Variants in TTLL1 observed in about 807,000 individuals in gnomAD.
TTLL1 encodes the protein TTL family tubulin polyglutamylase complex subunit L1, also known as polyglutamylase complex subunit TTLL1.
A neutral mutation model predicts 47.8 loss-of-function variants in TTLL1; 33 were observed. The ratio of observed to expected loss-of-function variants is 0.69; its 90% CI spans 0.52 to 0.92. The LOEUF is 0.92. Among genes scored for constraint, TTLL1 ranks in the 40% least tolerant of loss-of-function variants. The probability of loss-of-function intolerance (pLI) is 0.00; values close to 1 mark genes in which losing one functional copy is unlikely to be tolerated. For synonymous variants in TTLL1, 225 were observed against 214.1 expected (o/e 1.05, Z -0.45); for missense variants, 488 against 547.5 (o/e 0.89, Z 1.08).
chr22:43,046,257 G>A, intron 10 of TTLL1, among the ~76,000 whole-genome samples, 153 bp downstream of exon 10: 1 of 152,012 alleles, frequency 6.6e-6, no homozygotes, highest in Non-Finnish European at 1.5e-5. Context: ...TTGCTTTTCT[G>A]CTACAACAAG....
At chr22:43,063,373 G>C (rs552163301) in intron 7 of TTLL1, among the ~76,000 whole-genome samples, 1 of 152,012 alleles carries the variant, frequency 6.6e-6, no homozygotes, top group Non-Finnish European at 1.5e-5. Context: ...CATCAGTGCC[G>C]GACCTTAGAC....
chr22:43,039,933 G>A, intron 10 of TTLL1, 28 bp from the exon 11 acceptor site: 1 of 1,607,436 alleles, frequency 6.2e-7, no homozygotes, highest in Non-Finnish European at 8.5e-7. Context: ...CAGGATCACG[G>A]CAGGCTCTCT....
At chr22:43,047,098 G>T (rs1290464849) in intron 9 of TTLL1, among the ~76,000 whole-genome samples, 8 of 152,134 alleles carry the variant, frequency 5.3e-5, no homozygotes, top group African/African-American at 1.9e-4. Flanking sequence ...TTAGAATTAG[G>T]ATCTACAAAT....
intron 9 of TTLL1, among the ~76,000 whole-genome samples, chr22:43,047,980 A>G (rs1334077450): frequency 6.6e-6 from 1 of 152,146 alleles, no homozygotes; most frequent in African/African-American, 2.4e-5. Context: ...ACTGTAGTAT[A>G]CCATAATACT....
intron 1 of TTLL1, among the ~76,000 whole-genome samples, chr22:43,083,598 C>T (rs756611479): frequency 2.2e-4 from 34 of 151,524 alleles, no homozygotes; most frequent in Non-Finnish European, 4.6e-4. Context: ...TGTGGTGGCG[C>T]TTGCCTGTAA....
intron 3 of TTLL1, among the ~76,000 whole-genome samples, chr22:43,074,427 C>CAAA (rs61701643): frequency 6.0e-4 from 51 of 85,602 alleles, no homozygotes; most frequent in South Asian, 1.1e-3. Context: ...AATTTCGTCT[C>CAAA]AAAAAAAAAA....
chr22:43,051,864 G>A lies in TTLL1; in HGVS notation c.915C>T (p.His305=), dbSNP rs183632251. 3.3e-5 allele frequency: 53 copies of A among 1,613,998 alleles called. 1 individual carries two copies. In the Middle Eastern group the frequency reaches 8.2e-4, roughly 25 times the overall value. The change falls in exon 9 of 11, where the codon CAC becomes CAT. Residue 305 remains histidine (H), a synonymous_variant. Transcript: ENST00000266254. ...TGTCGTAGCCATAGCATTCAAAGCA[G>A]TGCTTGTCATTGTTCATCACCGGCT... ...AVAPVMNNDK[H]CFECYGYDII...
intron 1 of TTLL1, among the ~76,000 whole-genome samples, 176 bp downstream of exon 1, chr22:43,089,101 G>A (rs1025554323): frequency 1.3e-5 from 2 of 152,208 alleles, no homozygotes; most frequent in African/African-American, 4.8e-5. Flanking sequence ...AGAAAGGCAC[G>A]GTGGTTAGCG....
intron 1 of TTLL1, among the ~76,000 whole-genome samples, chr22:43,084,188 C>G (rs969262255): frequency 2.0e-5 from 3 of 151,968 alleles, no homozygotes; most frequent in Non-Finnish European, 4.4e-5. Flanking sequence ...TCTAGCTCTA[C>G]TGCCCAGGCT....
At chr22:43,073,752 C>T (rs898790609) in intron 3 of TTLL1, among the ~76,000 whole-genome samples, 7 of 151,958 alleles carry the variant, frequency 4.6e-5, no homozygotes, top group African/African-American at 1.5e-4. Context: ...AGTATTTTAC[C>T]CCAACCAATT....
rs570693794 is a variant in TTLL1, at chr22:43,063,448, C to A, written c.747+365G>T. 2.3e-3 allele frequency among the ~76,000 whole-genome samples: 345 copies of A among 150,530 alleles called. 1 individual carries two copies. The highest frequency in any genetic ancestry group is 8.2e-3 in the African/African-American group (335 of 40,678). On this transcript the variant is annotated intron_variant, in intron 7 of 10. Transcript: ENST00000266254. ...TCTTGCAAAAATAGAAGAAAGAAACCCACAAAGTCGGTCCTTTTTTTTTTT... is the reference window on the plus strand; with the variant it reads ...TCTTGCAAAAATAGAAGAAAGAAACACACAAAGTCGGTCCTTTTTTTTTTT...
chr22:43,085,364 CAT>C (rs1189296795), intron 1 of TTLL1, among the ~76,000 whole-genome samples: 1 of 152,202 alleles, frequency 6.6e-6, no homozygotes, highest in African/African-American at 2.4e-5. Context: ...ATTATCGTCT[CAT>C]GTGATGCCCA....
chr22:43,046,516 T>C lies in TTLL1; in HGVS notation c.1036A>G (p.Asn346Asp). 1 of 1,614,068 alleles carries C rather than the reference T, an allele frequency of 6.2e-7. No homozygotes were observed. The highest frequency in any genetic ancestry group is 8.5e-7 in the Non-Finnish European group (1 of 1,180,026). Residue 346 changes from asparagine to aspartate, a missense_variant, in exon 10 of 11, where the codon AAC (asparagine) becomes GAC (aspartate). Transcript: ENST00000266254. ...ATGTTGAGGGTGTCATTAATCAGGT[T>C]GTACTTGAGGATTCGGTCATTGGCA... ...STANDRILKYNLINDTLNIAV... is the reference protein window; with the variant it reads ...STANDRILKYDLINDTLNIAV...
Position 43,068,594 on chromosome 22 carries a change from C to A in TTLL1, c.323-4G>T. The A allele has an allele frequency of 6.8e-7, 1 of 1,474,182 alleles. No homozygotes were observed. The highest frequency in any genetic ancestry group is 9.1e-7 in the Non-Finnish European group (1 of 1,093,694). The allele number at this position is 1,474,182 out of a possible 1,614,324, so 91.3% of individuals were successfully genotyped here. A position where few individuals can be genotyped will look rare whatever the true frequency, so the allele number is the denominator to read the frequency against. ...ATATAGGTGACTGGAACAAAGTCTG[C>A]AAGGCAAAGACACCCAGCACTGGTA... On this transcript the variant is annotated splice_polypyrimidine_tract_variant and splice_region_variant and intron_variant, in intron 4 of 10. Coordinates refer to ENST00000266254, the MANE Select transcript of TTLL1 (RefSeq NM_012263.5).
At chr22:43,051,763 T>C (rs1926640466) in intron 9 of TTLL1, 38 bp downstream of exon 9, 2 of 1,596,122 alleles carry the variant, frequency 1.3e-6, no homozygotes, top group Non-Finnish European at 8.6e-7. Flanking sequence ...TTGGGGGCTA[T>C]GTGTGGTGTG....
At chr22:43,052,203 C>T in intron 8 of TTLL1, 1 of 383,380 alleles carries the variant, frequency 2.6e-6, no homozygotes, top group South Asian at 2.4e-5. Context: ...GGATGTCCAG[C>T]TCCAAGCCCA....
At chr22:43,084,854 G>C (rs2146996607) in intron 1 of TTLL1, among the ~76,000 whole-genome samples, 1 of 152,058 alleles carries the variant, frequency 6.6e-6, no homozygotes, top group East Asian at 1.9e-4. Flanking sequence ...AGGTGGTTAG[G>C]TTGGAGTAAT....
Position 43,068,528 on chromosome 22 carries a change from TC to T in TTLL1, c.384del (p.Lys129ArgfsTer9). The T allele has an allele frequency of 6.4e-7, 1 of 1,568,310 alleles. No individual in the cohort carries two copies. Among genetic ancestry groups the T allele is most frequent in the East Asian group, 2.3e-5 (1 of 43,844 alleles). On this transcript the variant is annotated frameshift_variant, in exon 5 of 11. Coordinates refer to ENST00000266254, the MANE Select transcript of TTLL1 (RefSeq NM_012263.5). LOFTEE classifies it high-confidence loss of function. Reference sequence around the variant, plus strand: ...ATGATCCAGGTGCTGGACGGGCTCTTCCGGAACTCCTCTACAAACAGGTTGT... The same window carrying T: ...ATGATCCAGGTGCTGGACGGGCTCTTCGGAACTCCTCTACAAACAGGTTGT... ...ADYNLFVEEF[R>X]KSPSSTWIMK...
intron 10 of TTLL1, among the ~76,000 whole-genome samples, 185 bp downstream of exon 10, chr22:43,046,222 AAAT>A (rs987406852): frequency 2.6e-5 from 4 of 152,142 alleles, no homozygotes; most frequent in East Asian, 1.9e-4. Context: ...CTCCCTCTCA[AAAT>A]AATAATAATA....
Sources: allele counts gnomAD v4.1 joint callset (sites outside exome capture counted in the v4.1 genomes callset), GRCh38; gene constraint gnomAD v4.1.1; transcripts MANE v1.5; gene names NCBI Gene and HGNC (gene_info 2026-07-23, HGNC 2026-07-21).